The following HS1BP3 variants were observed in gnomAD, a reference collection of about 807,000 sequenced individuals.
HS1BP3 encodes the protein HCLS1 binding protein 3.
Under a neutral mutation model 33.5 loss-of-function variants are expected in HS1BP3, and 32 were observed. The ratio of observed to expected loss-of-function variants is 0.95; its 90% CI spans 0.72 to 1.28. HS1BP3 has a LOEUF of 1.28. HS1BP3 is among the 50% of genes most tolerant of loss of function. HS1BP3 has a pLI of 0.00. For missense variants in HS1BP3, 486 were observed against 502.3 expected (o/e 0.97, Z 0.31); for synonymous variants, 187 against 209.2 (o/e 0.89, Z 0.92).
At chr2:20,637,922 A>T (rs561572875) in intron 4 of HS1BP3, 1 of 168,108 alleles carries the variant, frequency 5.9e-6, no homozygotes, top group South Asian at 1.8e-4. Flanking sequence ...TGATACGACC[A>T]TGAGTCCATT....
At chr2:20,593,240 T>C (rs764139208) in intron 3 of HS1BP3, among the ~76,000 whole-genome samples, 4 of 152,152 alleles carry the variant, frequency 2.6e-5, no homozygotes, top group Non-Finnish European at 5.9e-5. Context: ...TTGTCTAAAC[T>C]TGCAACCTTC....
intron 6 of HS1BP3, among the ~76,000 whole-genome samples, chr2:20,620,336 T>G (rs1427293775): frequency 1.3e-5 from 2 of 152,258 alleles, no homozygotes; most frequent in African/African-American, 4.8e-5. Context: ...GGACTTGGCC[T>G]GCATGTGGCT....
downstream of HS1BP3, among the ~76,000 whole-genome samples, chr2:20,559,712 A>G (rs146825389): frequency 3.8e-3 from 46 of 12,050 alleles, no homozygotes; most frequent in Non-Finnish European, 0.018. Context: ...GGGTGGGTGG[A>G]TGGATGGATG....
exon 3 of HS1BP3, chr2:20,598,233 T>C (rs1693987630): frequency 2.4e-6 from 1 of 420,920 alleles, no homozygotes. Flanking sequence ...GTGGGAGCCC[T>C]GAGCTTGTTT....
intron 2 of HS1BP3, among the ~76,000 whole-genome samples, chr2:20,599,651 C>CT (rs1332896492): frequency 0.017 from 2,396 of 142,890 alleles, 72 homozygotes; most frequent in African/African-American, 0.065. Flanking sequence ...CACACACACT[C>CT]TGTTTTTTTT....
intron 2 of HS1BP3, among the ~76,000 whole-genome samples, chr2:20,606,025 A>G (rs909896538): frequency 1.3e-5 from 2 of 151,926 alleles, no homozygotes. Flanking sequence ...CCACCACACT[A>G]TTTTCCATAT....
At chr2:20,568,998 G>A (rs1000063753) in intron 5 of HS1BP3, among the ~76,000 whole-genome samples, 2 of 152,226 alleles carry the variant, frequency 1.3e-5, no homozygotes, top group African/African-American at 2.4e-5. Flanking sequence ...ACTCTCTGGG[G>A]TAAGCAGAGT....
chr2:20,631,126 C>T (rs1178946404), intron 4 of HS1BP3, among the ~76,000 whole-genome samples: 2 of 152,106 alleles, frequency 1.3e-5, no homozygotes, highest in African/African-American at 2.4e-5. Flanking sequence ...AGCGCAGGGC[C>T]GTGGCAGAGG....
At chr2:20,576,526 A>G (rs1022027526) in intron 5 of HS1BP3, among the ~76,000 whole-genome samples, 2 of 152,188 alleles carry the variant, frequency 1.3e-5, no homozygotes, top group Non-Finnish European at 2.9e-5. Flanking sequence ...GCCTGAAAAT[A>G]TCAGAGGAGG....
At chr2:20,616,793 C>T (rs566801747), downstream of HS1BP3, among the ~76,000 whole-genome samples, 2 of 152,268 alleles carry the variant, frequency 1.3e-5, no homozygotes, top group South Asian at 4.2e-4. Flanking sequence ...GGTCTGCCAT[C>T]AGCCTAGGCA....
At chr2:20,591,635 G>C (rs993732740), downstream of HS1BP3, among the ~76,000 whole-genome samples, 1 of 152,178 alleles carries the variant, frequency 6.6e-6, no homozygotes, top group African/African-American at 2.4e-5. Context: ...ACAGTGGCGC[G>C]ATCTTGGCTC....
chr2:20,558,673 C>T (rs1049594820), downstream of HS1BP3, among the ~76,000 whole-genome samples: 2 of 152,180 alleles, frequency 1.3e-5, no homozygotes, highest in Non-Finnish European at 2.9e-5. Flanking sequence ...GGAACAGGGC[C>T]CAGCGGCACA....
chr2:20,591,693 T>C (rs932166274), downstream of HS1BP3, among the ~76,000 whole-genome samples: 1 of 152,178 alleles, frequency 6.6e-6, no homozygotes, highest in Non-Finnish European at 1.5e-5. Flanking sequence ...TGCCTCAGCC[T>C]CCAAAAAATG....
downstream of HS1BP3, among the ~76,000 whole-genome samples, chr2:20,590,368 A>T (rs1162074342): frequency 6.6e-6 from 1 of 152,000 alleles, no homozygotes; most frequent in African/African-American, 2.4e-5. Context: ...TTTGTTCTTT[A>T]CTGAGGCTGG....
intron 5 of HS1BP3, among the ~76,000 whole-genome samples, chr2:20,566,569 G>A (rs1349013788): frequency 6.6e-6 from 1 of 151,778 alleles, no homozygotes; most frequent in Admixed American, 6.6e-5. Flanking sequence ...GTGACAGGCA[G>A]CTGTGAGGCC....
chr2:20,647,235 C>T (rs1014603212), intron 1 of HS1BP3, among the ~76,000 whole-genome samples: 11 of 152,194 alleles, frequency 7.2e-5, no homozygotes, highest in Admixed American at 2.0e-4. Flanking sequence ...TCCATAACCC[C>T]ACCCCTTTTC....
intron 1 of HS1BP3, among the ~76,000 whole-genome samples, chr2:20,646,105 A>C (rs1695512512): frequency 7.2e-5 from 11 of 152,242 alleles, no homozygotes; most frequent in Admixed American, 7.2e-4. Flanking sequence ...CCGCTCTTGG[A>C]GATTTGTAAA....
At chr2:20,574,304 C>T (rs1292300157) in intron 5 of HS1BP3, among the ~76,000 whole-genome samples, 24 of 152,268 alleles carry the variant, frequency 1.6e-4, no homozygotes, top group Admixed American at 1.4e-3. Context: ...TCTAGCAAGG[C>T]GCTCTGGAAA....
chr2:20,569,933 G>C (rs1010244274), intron 5 of HS1BP3, among the ~76,000 whole-genome samples: 7 of 152,338 alleles, frequency 4.6e-5, no homozygotes, highest in Non-Finnish European at 7.3e-5. Flanking sequence ...CTGGGATCAG[G>C]ACCCTCTGCC....
Sources: gnomAD v4.1 joint callset for allele counts (sites outside exome capture counted in the v4.1 genomes callset) on GRCh38, gnomAD v4.1.1 for gene constraint, MANE v1.5 for transcripts, NCBI Gene and HGNC (gene_info 2026-07-23, HGNC 2026-07-21) for gene names.